The following VWA3B variants were observed in gnomAD, a reference collection of about 807,000 sequenced individuals.
The protein encoded by VWA3B is von Willebrand factor A domain-containing protein 3B.
A neutral mutation model predicts 158.3 loss-of-function variants in VWA3B; 138 were observed. The ratio of observed to expected loss-of-function variants is 0.87; its 90% CI spans 0.76 to 1.00. VWA3B has a LOEUF of 1.00. Among genes scored for constraint, VWA3B ranks in the 50% least tolerant of loss-of-function variants. VWA3B has a pLI of 0.00. For missense variants in VWA3B, 1,555 were observed against 1,565.1 expected (o/e 0.99, Z 0.11); for synonymous variants, 596 against 587.3 (o/e 1.01, Z -0.21).
At chr2:98,301,678 G>A (rs551205478) in intron 25 of VWA3B, among the ~76,000 whole-genome samples, 312 of 152,278 alleles carry the variant, frequency 2.0e-3, no homozygotes, top group Non-Finnish European at 3.7e-3. Flanking sequence ...CTCATTGGAC[G>A]GATGTTTGTT....
intron 8 of VWA3B, among the ~76,000 whole-genome samples, chr2:98,177,432 G>T (rs1351682201): frequency 6.6e-6 from 1 of 152,104 alleles, no homozygotes. Context: ...TAAGATAACT[G>T]CAGGGAAAAG....
At chr2:98,150,577 G>A (rs1481210314) in intron 7 of VWA3B, among the ~76,000 whole-genome samples, 1 of 152,172 alleles carries the variant, frequency 6.6e-6, no homozygotes. Context: ...AAGTGAAATT[G>A]CCTCGAACCT....
At chr2:98,089,112 G>A (rs1682085854) in intron 1 of VWA3B, among the ~76,000 whole-genome samples, 1 of 152,052 alleles carries the variant, frequency 6.6e-6, no homozygotes, top group African/African-American at 2.4e-5. Context: ...GCTGTTTCCT[G>A]ATATTAGCCT....
intron 13 of VWA3B, among the ~76,000 whole-genome samples, chr2:98,212,495 C>A (rs1195857356): frequency 6.6e-6 from 1 of 152,138 alleles, no homozygotes; most frequent in Non-Finnish European, 1.5e-5. Flanking sequence ...TTTAGCCCGA[C>A]TGGAAAATAT....
chr2:98,169,672 C>T (rs1294422633), intron 8 of VWA3B, among the ~76,000 whole-genome samples: 2 of 151,402 alleles, frequency 1.3e-5, no homozygotes, highest in African/African-American at 4.9e-5. Context: ...ACTCCTCTGG[C>T]GCTGAGCTGT....
chr2:98,304,204 A>G (rs1383374267), intron 26 of VWA3B, among the ~76,000 whole-genome samples: 1 of 152,060 alleles, frequency 6.6e-6, no homozygotes, highest in Non-Finnish European at 1.5e-5. Context: ...AGGGTGTTGG[A>G]GGGGCGGTGG....
At chr2:98,195,546 G>C (rs900088129) in intron 12 of VWA3B, among the ~76,000 whole-genome samples, 14 of 151,940 alleles carry the variant, frequency 9.2e-5, no homozygotes, top group South Asian at 8.3e-4. Context: ...AAATTTCCAG[G>C]ATTAACCAAT....
At chr2:98,154,583 G>A (rs956292503) in intron 7 of VWA3B, among the ~76,000 whole-genome samples, 10 of 152,216 alleles carry the variant, frequency 6.6e-5, no homozygotes, top group Middle Eastern at 3.4e-3. Flanking sequence ...GCTGCACTAC[G>A]TCTTGTTTAA....
intron 8 of VWA3B, chr2:98,179,125 A>G: frequency 2.2e-6 from 1 of 446,144 alleles, no homozygotes. Flanking sequence ...CCAAGCGGCC[A>G]TCGCCCAGCA....
intron 21 of VWA3B, among the ~76,000 whole-genome samples, chr2:98,263,260 T>G (rs1465936588): frequency 6.6e-6 from 1 of 152,086 alleles, no homozygotes; most frequent in South Asian, 2.1e-4. Context: ...CCTTTCTTTT[T>G]CTTGCCTAAT....
intron 12 of VWA3B, among the ~76,000 whole-genome samples, chr2:98,200,497 G>A (rs1396680538): frequency 2.8e-5 from 4 of 144,426 alleles, no homozygotes. Context: ...GAGCTGAGAC[G>A]ACGCCACTGC....
chr2:98,125,886 G>A lies in VWA3B; in HGVS notation c.703-2353G>A, dbSNP rs556725801. Among the ~76,000 whole-genome samples the A allele has an allele frequency of 5.3e-5, 8 of 152,154 alleles. No individual in the cohort carries two copies. Among genetic ancestry groups the A allele is most frequent in the South Asian group, 2.1e-4 (1 of 4,824 alleles). ...TCACTGTGTTAGCCAGGATGGTCTCGATCTCCCGACCTCGTGATCTGCTCG... is the reference window on the plus strand; with the variant it reads ...TCACTGTGTTAGCCAGGATGGTCTCAATCTCCCGACCTCGTGATCTGCTCG... On this transcript the variant is annotated intron_variant, in intron 5 of 27. Coordinates refer to ENST00000477737, the MANE Select transcript of VWA3B (RefSeq NM_144992.5). This position sits in a 1 kb window ranked among gnomAD's most constrained non-coding sequence, Gnocchi z 4.1.
At chr2:98,178,145 G>A (rs1680167463) in intron 8 of VWA3B, among the ~76,000 whole-genome samples, 1 of 152,172 alleles carries the variant, frequency 6.6e-6, no homozygotes, top group Non-Finnish European at 1.5e-5. Flanking sequence ...TTTGTGATGG[G>A]AGAGAGTGTG....
intron 7 of VWA3B, among the ~76,000 whole-genome samples, chr2:98,140,292 C>G (rs1050173072): frequency 1.3e-5 from 2 of 152,246 alleles, no homozygotes; most frequent in African/African-American, 4.8e-5. Flanking sequence ...ACTGACCCAT[C>G]CCATCCAGGA....
chr2:98,292,077 C>T lies in VWA3B; in HGVS notation c.3157+1455C>T, dbSNP rs1399445473. The T allele has an allele frequency of 3.0e-5, 4 of 135,198 alleles. No homozygotes were observed. The East Asian group carries it at 6.7e-4, about 23-fold the overall frequency. 8.4% of individuals were successfully genotyped at this position (135,198 alleles called of 1,614,324 possible). A position where few individuals can be genotyped will look rare whatever the true frequency, so the allele number is the denominator to read the frequency against. On this transcript the variant is annotated intron_variant, in intron 23 of 27. Transcript: ENST00000477737. ...TGGCCAACATGGTGAAACCTCATCT[C>T]TACTAAAAAAAAAAAAAAAAAAAAA...
At chr2:98,250,533 AT>A (rs1686735630) in intron 20 of VWA3B, 97 bp downstream of exon 20, 1 of 956,480 alleles carries the variant, frequency 1.0e-6, no homozygotes, top group Non-Finnish European at 1.5e-6. Context: ...TTTTTTTTTA[AT>A]GAAGCAGCTA....
At chr2:98,093,328 C>T (rs1358898785) in intron 2 of VWA3B, 40 bp downstream of exon 2, 1 of 1,599,862 alleles carries the variant, frequency 6.3e-7, no homozygotes, top group Non-Finnish European at 8.6e-7. Context: ...GCCATTTAGC[C>T]TTTGAGGTGG....
At chr2:98,107,347 A>C (rs1244200093) in intron 2 of VWA3B, among the ~76,000 whole-genome samples, 1 of 152,132 alleles carries the variant, frequency 6.6e-6, no homozygotes, top group African/African-American at 2.4e-5. Flanking sequence ...GGCTAGCTTC[A>C]TAAAATGAGT....
the VWA3B span, among the ~76,000 whole-genome samples, chr2:98,323,658 G>A: frequency 6.6e-6 from 1 of 152,218 alleles, no homozygotes; most frequent in South Asian, 2.1e-4. Context: ...TGCTAACAAG[G>A]AAATATTGAA....
Sources: allele counts gnomAD v4.1 joint callset (sites outside exome capture counted in the v4.1 genomes callset), GRCh38; gene constraint gnomAD v4.1.1; non-coding constraint Gnocchi (gnomAD v3.1); transcripts MANE v1.5; gene names NCBI Gene and HGNC (gene_info 2026-07-23, HGNC 2026-07-21).